AKT3: variants seen among roughly 807,000 people sequenced by gnomAD.
AKT3 encodes the protein AKT serine/threonine kinase 3, also known as RAC-gamma serine/threonine-protein kinase.
In AKT3, 15 loss-of-function variants were observed where a neutral mutation model predicts 65.3. That is an observed-to-expected ratio of 0.23 (90% CI 0.15 to 0.35). The LOEUF is 0.35. Among genes scored for constraint, AKT3 ranks in the 10% least tolerant of loss-of-function variants. AKT3 has a pLI of 1.00. For synonymous variants in AKT3, 206 were observed against 183.8 expected (o/e 1.12, Z -0.98); for missense variants, 243 against 576.5 (o/e 0.42, Z 5.92).
chr1:243,719,315 TTTAAG>T (rs1686727602), intron 2 of AKT3, among the ~76,000 whole-genome samples: 2 of 152,308 alleles, frequency 1.3e-5, no homozygotes, highest in Admixed American at 1.3e-4. Context: ...CTCTGCTAAC[TTTAAG>T]TTTTTTGTAT....
chr1:243,582,333 A>C (rs1675426532), intron 8 of AKT3, among the ~76,000 whole-genome samples: 1 of 151,724 alleles, frequency 6.6e-6, no homozygotes, highest in African/African-American at 2.4e-5. Context: ...AAAAAATCTT[A>C]AAGGCAGCTA....
intron 2 of AKT3, among the ~76,000 whole-genome samples, chr1:243,798,059 T>G (rs1692135427): frequency 6.6e-6 from 1 of 151,428 alleles, no homozygotes; most frequent in Non-Finnish European, 1.5e-5. Context: ...ATTTTCTGTA[T>G]TTTTAGTAGA....
At chr1:243,491,555 C>T (rs1309984336) in intron 13 of AKT3, among the ~76,000 whole-genome samples, 1 of 152,240 alleles carries the variant, frequency 6.6e-6, no homozygotes, top group African/African-American at 2.4e-5. Context: ...TGCTGAATAT[C>T]TAAACCCAGA....
chr1:243,584,615 G>A (rs955498924), intron 8 of AKT3, among the ~76,000 whole-genome samples: 8 of 151,996 alleles, frequency 5.3e-5, no homozygotes, highest in African/African-American at 1.9e-4. Context: ...ATCATTCCTG[G>A]GATGCAAGGG....
intron 4 of AKT3, among the ~76,000 whole-genome samples, chr1:243,650,569 G>C (rs139718462): frequency 0.03 from 4,572 of 152,212 alleles, 93 homozygotes; most frequent in Non-Finnish European, 0.051. Context: ...AATCCATCTT[G>C]GGTTGATTTT....
In AKT3 at chr1:243,506,990, C is replaced by T. The variant is rs1035386815; in HGVS notation, c.1355-1656G>A. On this transcript the variant is annotated intron_variant, in intron 13 of 13. Transcript: ENST00000673466. The stretch of plus-strand genomic sequence containing the variant: ...GAGTATAAAAACTCTCTAGAGAATA[C>T]GGGCAGCTAAAACCTTAATGTTCAG... Among the ~76,000 whole-genome samples, 12 of 152,328 alleles carry T rather than the reference C, an allele frequency of 7.9e-5. 1 individual carries two copies. Among genetic ancestry groups the T allele is most frequent in the Middle Eastern group, 6.8e-3 (2 of 294 alleles).
rs551831320 is a variant in AKT3 at position 243,537,486 on chromosome 1, A to G, written c.1251+8024T>C. Among the ~76,000 whole-genome samples, 2 of 152,182 alleles carry G rather than the reference A, an allele frequency of 1.3e-5. 1 individual carries two copies. Among genetic ancestry groups the G allele is most frequent in the Admixed American group, 1.3e-4 (2 of 15,268 alleles). ...TATCAGACTAAAATAGGAGTCCTCA[A>G]TTTCTTGATAATTTCTATGGAATTC... On this transcript the variant is annotated intron_variant, in intron 12 of 13. Coordinates refer to ENST00000673466, the MANE Select transcript of AKT3 (RefSeq NM_005465.7).
intron 13 of AKT3, among the ~76,000 whole-genome samples, chr1:243,493,246 G>T (rs1447699764): frequency 1.3e-5 from 2 of 150,212 alleles, no homozygotes; most frequent in Non-Finnish European, 3.0e-5. Context: ...AGGGGGATTC[G>T]GGGTGAGGGT....
chr1:243,802,081 T>A (rs1332370928), intron 2 of AKT3, among the ~76,000 whole-genome samples: 2 of 152,196 alleles, frequency 1.3e-5, no homozygotes, highest in African/African-American at 4.8e-5. Context: ...TCATCTTAAA[T>A]AATACCCGGC....
chr1:243,553,155 G>A (rs1177344082), intron 10 of AKT3, among the ~76,000 whole-genome samples: 1 of 149,624 alleles, frequency 6.7e-6, no homozygotes. Context: ...AATGGCCAGT[G>A]TACAAAAAAA....
chr1:243,666,595 AAAC>A (rs1180224079), intron 3 of AKT3, among the ~76,000 whole-genome samples: 1 of 152,206 alleles, frequency 6.6e-6, no homozygotes, highest in Non-Finnish European at 1.5e-5. Flanking sequence ...ACCCAGGCTG[AAAC>A]ATAAACTGAT....
chr1:243,514,774 CAAGA>C (rs1289840389), intron 12 of AKT3, among the ~76,000 whole-genome samples: 1 of 152,088 alleles, frequency 6.6e-6, no homozygotes, highest in East Asian at 1.9e-4. Context: ...TGCTGTGAGC[CAAGA>C]TTATGCTATT....
chr1:243,607,218 G>T (rs948698765), intron 8 of AKT3, among the ~76,000 whole-genome samples: 1 of 152,146 alleles, frequency 6.6e-6, no homozygotes, highest in Non-Finnish European at 1.5e-5. Flanking sequence ...ACCCCAGAAC[G>T]GTAATCTACT....
chr1:243,506,211 G>A (rs1250381024), intron 13 of AKT3, among the ~76,000 whole-genome samples: 1 of 152,212 alleles, frequency 6.6e-6, no homozygotes, highest in African/African-American at 2.4e-5. Flanking sequence ...AAGTCCCAAG[G>A]GCCCCCTGGC....
At chr1:243,519,517 C>T (rs1182914722) in intron 12 of AKT3, among the ~76,000 whole-genome samples, 1 of 152,100 alleles carries the variant, frequency 6.6e-6, no homozygotes, top group African/African-American at 2.4e-5. Flanking sequence ...TTTTTGGGTG[C>T]TCAAGGCATT....
rs1344525051 is a variant in AKT3 at position 243,504,738 on chromosome 1, C to G, written c.*511G>C. The G allele has an allele frequency of 5.4e-6, 1 of 185,986 alleles. No homozygotes were observed. 11.5% of individuals were successfully genotyped at this position (185,986 alleles called of 1,614,324 possible). A position where few individuals can be genotyped will look rare whatever the true frequency, so the allele number is the denominator to read the frequency against. Reference sequence around the variant, plus strand: ...TAGTGATATATGCCTACTTCACGCACGGATCTGATGTGCTTTACATATGCA... The same window carrying G: ...TAGTGATATATGCCTACTTCACGCAGGGATCTGATGTGCTTTACATATGCA... On this transcript the variant is annotated 3_prime_UTR_variant, in exon 14 of 14. Transcript: ENST00000673466.
chr1:243,721,085 C>T (rs1213923655), intron 2 of AKT3, among the ~76,000 whole-genome samples: 2 of 152,120 alleles, frequency 1.3e-5, no homozygotes. Context: ...AATTCCTCCT[C>T]ACCAAAGCAG....
intron 11 of AKT3, among the ~76,000 whole-genome samples, chr1:243,546,296 T>G (rs1672672552): frequency 6.6e-6 from 1 of 152,166 alleles, no homozygotes; most frequent in Non-Finnish European, 1.5e-5. Context: ...TCTCAGGTAT[T>G]TCTTCATAGC....
At chr1:243,671,045 C>T (rs949316432) in intron 3 of AKT3, among the ~76,000 whole-genome samples, 3 of 151,146 alleles carry the variant, frequency 2.0e-5, no homozygotes, top group African/African-American at 7.3e-5. Context: ...AAATAACATC[C>T]AATGTGAAAA....
Sources: gnomAD v4.1 joint callset for allele counts (sites outside exome capture counted in the v4.1 genomes callset) on GRCh38, gnomAD v4.1.1 for gene constraint, MANE v1.5 for transcripts, NCBI Gene and HGNC (gene_info 2026-07-23, HGNC 2026-07-21) for gene names.